The following ANKRD17 variants were observed in gnomAD, a reference collection of about 807,000 sequenced individuals.
ANKRD17 encodes ankyrin repeat domain 17.
In ANKRD17, 19 loss-of-function variants were observed where a neutral mutation model predicts 229.7. The ratio of observed to expected loss-of-function variants is 0.08; its 90% CI spans 0.06 to 0.12. The LOEUF (loss-of-function observed/expected upper bound fraction) is 0.12, where lower values mean the gene tolerates loss of function less well. Ranked by LOEUF, ANKRD17 falls within the 10% of genes least tolerant of loss-of-function variation. ANKRD17 has a pLI of 1.00. For synonymous variants in ANKRD17, 1,112 were observed against 1,146.1 expected, an observed-to-expected ratio of 0.97 and a Z score of 0.60; for missense variants, 2,176 against 3,176.8, an observed-to-expected ratio of 0.68 and a Z score of 7.57.
chr4:73,155,981 A>C (rs964157863), intron 4 of ANKRD17, 38 bp downstream of exon 4: 18 of 1,538,152 alleles, frequency 1.2e-5, no homozygotes, highest in Non-Finnish European at 1.5e-5. Flanking sequence ...CCAGTTTTTA[A>C]AAAAACAACA....
chr4:73,158,186 A>AAGAAAGAAAGAAAGAG (rs963284200), intron 3 of ANKRD17, among the ~76,000 whole-genome samples: 81 of 112,038 alleles, frequency 7.2e-4, no homozygotes, highest in African/African-American at 1.8e-3. Flanking sequence ...GAAAGAAAGA[A>AAGAAAGAAAGAAAGAG]AGAGAGAGAA....
intron 2 of ANKRD17, among the ~76,000 whole-genome samples, chr4:73,171,179 GA>G (rs1733958911): frequency 0.061 from 160 of 2,606 alleles, no homozygotes; most frequent in East Asian, 0.19. Flanking sequence ...TCAGAGGGGG[GA>G]GAGAGAGAGA....
intron 1 of ANKRD17, among the ~76,000 whole-genome samples, chr4:73,221,887 A>C (rs914199123): frequency 6.6e-6 from 1 of 152,284 alleles, no homozygotes; most frequent in Middle Eastern, 3.4e-3. Flanking sequence ...TGTCAGCTCC[A>C]AGCACACACT....
In ANKRD17 at chr4:73,097,241, T is replaced by C. The variant is rs1464154220; in HGVS notation, c.5053A>G (p.Asn1685Asp). The C allele has an allele frequency of 6.3e-7, 1 of 1,599,768 alleles. No individual in the cohort carries two copies. The highest frequency in any genetic ancestry group is 8.5e-7 in the Non-Finnish European group (1 of 1,174,704). ...GATTTTGTACAAGTAGATAGAGAAT[T>C]ACTGGTCCCTTCACTGATAGTTTCT... ...LSETISEGTS[N>D]SLSTCTKSGP... Residue 1685 changes from asparagine to aspartate, a missense_variant, in exon 27 of 34, where the codon AAT becomes GAT. Coordinates refer to ENST00000358602, the MANE Select transcript of ANKRD17 (RefSeq NM_032217.5).
Position 73,255,778 on chromosome 4 carries a change from CA to C in ANKRD17, c.393+2497del, listed in dbSNP as rs574388105. ...CGTTCTTGTTGCCCAGGCTGGACTG[CA>C]ATGGTGCAATCTCAGCTCACTGCAA... is the stretch of plus-strand genomic sequence containing the variant. On this transcript the variant is annotated intron_variant, in intron 1 of 33. Transcript: ENST00000358602. 5.4e-4 allele frequency among the ~76,000 whole-genome samples: 82 copies of C among 152,008 alleles called. 1 individual carries two copies. The South Asian group carries it at 0.016, about 29-fold the overall frequency.
At chr4:73,161,044 A>G in intron 3 of ANKRD17, 148 bp downstream of exon 3, 1 of 1,015,808 alleles carries the variant, frequency 9.8e-7, no homozygotes, top group Non-Finnish European at 1.4e-6. Flanking sequence ...TACCTTATAA[A>G]GTTTTTGTGA....
chr4:73,184,252 C>T (rs957447604), intron 1 of ANKRD17, among the ~76,000 whole-genome samples: 3 of 152,016 alleles, frequency 2.0e-5, no homozygotes, highest in Non-Finnish European at 2.9e-5. Context: ...ATATTTTGGC[C>T]GGGTGCGGTG....
At chr4:73,189,403 G>GTTTTTT (rs763345325) in intron 1 of ANKRD17, among the ~76,000 whole-genome samples, 23 of 112,672 alleles carry the variant, frequency 2.0e-4, no homozygotes, top group African/African-American at 3.5e-4. Context: ...TGCCTGGAAT[G>GTTTTTT]TTTTTTTTTT....
chr4:73,131,763 A>G (rs1728233016), intron 16 of ANKRD17, among the ~76,000 whole-genome samples: 1 of 152,222 alleles, frequency 6.6e-6, no homozygotes, highest in Non-Finnish European at 1.5e-5. Flanking sequence ...AAAATGTAAT[A>G]ATAATAGTAC....
chr4:73,159,728 A>C (rs1394417533), intron 3 of ANKRD17, among the ~76,000 whole-genome samples: 3 of 152,182 alleles, frequency 2.0e-5, no homozygotes, highest in Non-Finnish European at 2.9e-5. Flanking sequence ...CTTAGTAGGC[A>C]CCACATTAAA....
chr4:73,251,117 A>C (rs1744986943), intron 1 of ANKRD17, among the ~76,000 whole-genome samples: 1 of 152,072 alleles, frequency 6.6e-6, no homozygotes, highest in Non-Finnish European at 1.5e-5. Flanking sequence ...CACACACACA[A>C]AAAGTTGACT....
intron 29 of ANKRD17, among the ~76,000 whole-genome samples, chr4:73,087,472 T>C (rs1488903123): frequency 6.6e-6 from 1 of 152,220 alleles, no homozygotes; most frequent in Non-Finnish European, 1.5e-5. Flanking sequence ...AATCTAATCA[T>C]GGATTGACAT....
chr4:73,158,052 C>T (rs1425428220), intron 3 of ANKRD17, among the ~76,000 whole-genome samples: 4 of 151,244 alleles, frequency 2.6e-5, no homozygotes, highest in African/African-American at 4.9e-5. Context: ...GATCACACCA[C>T]TGCACTCCAG....
chr4:73,135,677 C>T (rs1463555218), intron 15 of ANKRD17, among the ~76,000 whole-genome samples: 1 of 152,090 alleles, frequency 6.6e-6, no homozygotes, highest in Non-Finnish European at 1.5e-5. Context: ...AATTTCACAC[C>T]TTATATTCTA....
chr4:73,129,625 G>A (rs1727921094), intron 16 of ANKRD17, among the ~76,000 whole-genome samples: 1 of 152,084 alleles, frequency 6.6e-6, no homozygotes, highest in South Asian at 2.1e-4. Flanking sequence ...TTTGGGGCAG[G>A]AGGATCATTT....
Position 73,091,484 on chromosome 4 carries a change from T to A in ANKRD17, c.6144A>T (p.Pro2048=). The A allele has an allele frequency of 9.3e-6, 15 of 1,613,972 alleles. No individual in the cohort carries two copies. Among genetic ancestry groups the A allele is most frequent in the Non-Finnish European group, 1.3e-5 (15 of 1,180,008 alleles). ...TAGAAACCCCTCCTGGCTGGGCTGGTGGTGATGGGGAAGATGGGGATGATA... is the reference window on the plus strand; with the variant it reads ...TAGAAACCCCTCCTGGCTGGGCTGGAGGTGATGGGGAAGATGGGGATGATA... ...YPVSSPSSPS[P]PAQPGGVSRN... Residue 2048 remains proline, a synonymous_variant, in exon 29 of 34, where the codon CCA becomes CCT. Transcript: ENST00000358602.
In ANKRD17 at chr4:73,076,053, A is replaced by G; in HGVS notation, c.*178T>C. 1 of 481,570 alleles carries G rather than the reference A, an allele frequency of 2.1e-6. No individual in the cohort carries two copies. Among genetic ancestry groups the G allele is most frequent in the Non-Finnish European group, 3.8e-6 (1 of 266,174 alleles). The allele number at this position is 481,570 out of a possible 1,614,324, so 29.8% of individuals were successfully genotyped here. A position where few individuals can be genotyped will look rare whatever the true frequency, so the allele number is the denominator to read the frequency against. The stretch of plus-strand genomic sequence containing the variant: ...TAAGGTAAAACGGATGATGATGGGG[A>G]ATGGGCAGTCACAAATGTTCACAGA... On this transcript the variant is annotated 3_prime_UTR_variant, in exon 34 of 34. Transcript: ENST00000358602.
At position 73,091,104 on chromosome 4, in the gene ANKRD17, G is replaced by A. The variant is rs766320989; in HGVS notation, c.6524C>T (p.Thr2175Ile). The part of the protein sequence containing the change: ...GCPQPTPKME[T>I]PAIRPPPHGT... ...ATGAGGGGGTGGTCTAATAGCAGGG[G>A]TTTCCATTTTAGGAGTAGGCTGGGG... Residue 2175 changes from threonine (T) to isoleucine (I), a missense_variant, in exon 29 of 34, where the codon ACC becomes ATC. Around this residue, in one of 18 missense-constraint regions of ANKRD17, gnomAD observed 424 missense variants for 454.0 expected, o/e 0.93. Transcript: ENST00000358602. The A allele has an allele frequency of 6.2e-7, 1 of 1,614,160 alleles. No individual in the cohort carries two copies. Among genetic ancestry groups the A allele is most frequent in the South Asian group, 1.1e-5 (1 of 91,082 alleles).
chr4:73,184,251 C>A (rs1033527097), intron 1 of ANKRD17, among the ~76,000 whole-genome samples: 4 of 152,118 alleles, frequency 2.6e-5, no homozygotes, highest in African/African-American at 9.7e-5. Flanking sequence ...TATATTTTGG[C>A]CGGGTGCGGT....
Sources: gnomAD v4.1 joint callset for allele counts (sites outside exome capture counted in the v4.1 genomes callset) on GRCh38, gnomAD v4.1.1 for gene constraint, gnomAD v4.1.1 regional missense constraint, MANE v1.5 for transcripts, NCBI Gene and HGNC (gene_info 2026-07-23, HGNC 2026-07-21) for gene names.